Variants in NRCAM observed in about 807,000 individuals in gnomAD.
NRCAM encodes neuronal cell adhesion molecule.
In NRCAM, 83 loss-of-function variants were observed where a neutral mutation model predicts 156.5. The observed-to-expected ratio is 0.53, with a 90% CI of 0.44 to 0.64. The LOEUF (loss-of-function observed/expected upper bound fraction) is 0.64, where lower values mean the gene tolerates loss of function less well. Among genes scored for constraint, NRCAM ranks in the 30% least tolerant of loss-of-function variants. The pLI is 0.00. For missense variants in NRCAM, 1,417 were observed against 1,597.3 expected, an observed-to-expected ratio of 0.89 and a Z score of 1.92; for synonymous variants, 538 against 563.9, an observed-to-expected ratio of 0.95 and a Z score of 0.65.
intron 2 of NRCAM, among the ~76,000 whole-genome samples, chr7:108,325,459 G>A (rs2099057802): frequency 6.6e-6 from 1 of 151,616 alleles, no homozygotes; most frequent in South Asian, 2.1e-4. Context: ...CCTGGATCTT[G>A]GAGTTCCAAT....
At chr7:108,418,423 G>A (rs564571085) in intron 1 of NRCAM, among the ~76,000 whole-genome samples, 28 of 152,284 alleles carry the variant, frequency 1.8e-4, no homozygotes, top group African/African-American at 6.3e-4. Context: ...TTTTCCTGAA[G>A]AGCATAATAA....
intron 1 of NRCAM, among the ~76,000 whole-genome samples, chr7:108,451,064 C>CA (rs1849714062): frequency 6.6e-6 from 1 of 151,820 alleles, no homozygotes; most frequent in African/African-American, 2.4e-5. Flanking sequence ...ACTAAAAATA[C>CA]AAAAATTAGC....
intron 2 of NRCAM, among the ~76,000 whole-genome samples, chr7:108,329,212 A>C (rs1461423917): frequency 5.3e-5 from 8 of 152,142 alleles, no homozygotes; most frequent in Non-Finnish European, 7.4e-5. Context: ...GTTGCTTATT[A>C]TTCTTCTTCT....
intron 12 of NRCAM, among the ~76,000 whole-genome samples, chr7:108,207,910 A>G (rs1357195156): frequency 2.0e-5 from 3 of 152,158 alleles, no homozygotes; most frequent in African/African-American, 7.2e-5. Flanking sequence ...TTCTCATTTT[A>G]TATTAAAATT....
intron 1 of NRCAM, among the ~76,000 whole-genome samples, chr7:108,434,665 A>G (rs1206547463): frequency 6.6e-6 from 1 of 152,190 alleles, no homozygotes; most frequent in African/African-American, 2.4e-5. Context: ...AGCCACACAC[A>G]AAACCATGAG....
At chr7:108,386,359 T>G (rs569344928) in intron 2 of NRCAM, among the ~76,000 whole-genome samples, 2 of 152,312 alleles carry the variant, frequency 1.3e-5, no homozygotes, top group African/African-American at 2.4e-5. Flanking sequence ...AAAGAGCATT[T>G]AGTCTAAAAA....
intron 1 of NRCAM, among the ~76,000 whole-genome samples, chr7:108,441,831 T>C (rs1045775663): frequency 3.3e-5 from 5 of 152,254 alleles, no homozygotes. Context: ...TTACATAGTG[T>C]CTATGAGAAT....
At chr7:108,450,005 A>G (rs1485366661) in intron 1 of NRCAM, among the ~76,000 whole-genome samples, 1 of 152,100 alleles carries the variant, frequency 6.6e-6, no homozygotes, top group East Asian at 1.9e-4. Flanking sequence ...TATTCAAAAT[A>G]TAGTTTCCAG....
At chr7:108,287,298 G>A (rs1282060940) in intron 3 of NRCAM, among the ~76,000 whole-genome samples, 1 of 151,684 alleles carries the variant, frequency 6.6e-6, no homozygotes, top group East Asian at 1.9e-4. Flanking sequence ...TCCTGAAAAG[G>A]AAACACAACA....
chr7:108,247,158 T>A (rs960499893), intron 3 of NRCAM, among the ~76,000 whole-genome samples: 5 of 152,162 alleles, frequency 3.3e-5, no homozygotes, highest in African/African-American at 1.2e-4. Flanking sequence ...AGAAGAACCA[T>A]CCTGCCAACC....
chr7:108,244,885 C>T (rs2095803964), intron 3 of NRCAM, among the ~76,000 whole-genome samples: 1 of 152,156 alleles, frequency 6.6e-6, no homozygotes, highest in South Asian at 2.1e-4. Flanking sequence ...CTCTACTCCT[C>T]AGAGCACTAT....
chr7:108,447,414 C>T (rs1845673087), intron 1 of NRCAM, among the ~76,000 whole-genome samples: 1 of 151,800 alleles, frequency 6.6e-6, no homozygotes, highest in Non-Finnish European at 1.5e-5. Flanking sequence ...TACAGGCACG[C>T]ACCACCATGC....
chr7:108,430,279 A>T (rs1285280726), intron 1 of NRCAM, among the ~76,000 whole-genome samples: 1 of 152,122 alleles, frequency 6.6e-6, no homozygotes, highest in Non-Finnish European at 1.5e-5. Flanking sequence ...CTATGTTGAG[A>T]AGATGTAGCA....
At chr7:108,432,542 G>C (rs78075219) in intron 1 of NRCAM, among the ~76,000 whole-genome samples, 85 of 152,306 alleles carry the variant, frequency 5.6e-4, no homozygotes, top group African/African-American at 2.0e-3. Context: ...TATTTAGTGT[G>C]CACACTGAAG....
At chr7:108,165,613 C>G (rs60368937) in intron 30 of NRCAM, among the ~76,000 whole-genome samples, 7,029 of 152,192 alleles carry the variant, frequency 0.046, 223 homozygotes, top group East Asian at 0.11. Context: ...TTTCCCAGGA[C>G]TATATACATA....
intron 2 of NRCAM, among the ~76,000 whole-genome samples, chr7:108,338,353 A>G (rs956936205): frequency 6.6e-6 from 1 of 152,140 alleles, no homozygotes; most frequent in Non-Finnish European, 1.5e-5. Context: ...CATTTCCTCT[A>G]GCAAGTTGTA....
chr7:108,212,859 G>A (rs955374383), intron 11 of NRCAM, among the ~76,000 whole-genome samples: 4 of 152,174 alleles, frequency 2.6e-5, no homozygotes, highest in African/African-American at 9.7e-5. Flanking sequence ...TTCTGGCCTT[G>A]CTAGGGACCT....
Position 108,281,744 on chromosome 7 carries a change from C to T in NRCAM, c.-107+30921G>A, listed in dbSNP as rs867000162. ...GATGGCTGCCAAGCTTGGGGCTTCTCTGACCATGCCAGCAGGCCTGAGCCG... is the reference window on the plus strand; with the variant it reads ...GATGGCTGCCAAGCTTGGGGCTTCTTTGACCATGCCAGCAGGCCTGAGCCG... On this transcript the variant is annotated intron_variant, in intron 3 of 32. Transcript: ENST00000379028. 1.1e-4 allele frequency among the ~76,000 whole-genome samples: 17 copies of T among 152,318 alleles called. No individual in the cohort carries two copies. The Middle Eastern group carries it at 0.01, about 91-fold the overall frequency.
At chr7:108,310,369 G>A (rs1165336378) in intron 3 of NRCAM, among the ~76,000 whole-genome samples, 4 of 152,174 alleles carry the variant, frequency 2.6e-5, no homozygotes, top group Non-Finnish European at 2.9e-5. Context: ...TTCAATGCAG[G>A]TAGAAGACAG....
Sources: allele counts gnomAD v4.1 joint callset (sites outside exome capture counted in the v4.1 genomes callset), GRCh38; gene constraint gnomAD v4.1.1; transcripts MANE v1.5; gene names NCBI Gene and HGNC (gene_info 2026-07-23, HGNC 2026-07-21).